The following COL6A5 variants were observed in gnomAD, a reference collection of about 807,000 sequenced individuals.
COL6A5 encodes the protein collagen type VI alpha 5 chain.
A neutral mutation model predicts 65.6 loss-of-function variants in COL6A5; 48 were observed. The observed-to-expected ratio is 0.73, with a 90% CI of 0.58 to 0.93. COL6A5 has a LOEUF of 0.93. COL6A5 is among the 40% of genes least tolerant of loss of function. The probability of loss-of-function intolerance (pLI) is 0.00; values close to 1 mark genes in which losing one functional copy is unlikely to be tolerated. For synonymous variants in COL6A5, 291 were observed against 322.8 expected, an observed-to-expected ratio of 0.90 and a Z score of 1.05; for missense variants, 914 against 928.3, an observed-to-expected ratio of 0.98 and a Z score of 0.20.
At chr3:130,459,828 G>A (rs9875954) in intron 5 of COL6A5, among the ~76,000 whole-genome samples, 1 of 151,730 alleles carries the variant, frequency 6.6e-6, no homozygotes, top group East Asian at 1.9e-4. Flanking sequence ...TTTTAATGCA[G>A]AGTATGTTCT....
At chr3:130,374,042 A>G (rs1439258380) in intron 2 of COL6A5, among the ~76,000 whole-genome samples, 1 of 152,200 alleles carries the variant, frequency 6.6e-6, no homozygotes, top group African/African-American at 2.4e-5. Flanking sequence ...CCCGACACAG[A>G]AAACAAATTC....
chr3:130,440,159 T>A lies in COL6A5; in HGVS notation c.582-7T>A, dbSNP rs1396442167. 1.9e-6 allele frequency: 3 copies of A among 1,604,194 alleles called. No individual in the cohort carries two copies. The African/African-American group carries it at 4.0e-5, about 21-fold the overall frequency. ...AACCAATGATGTGTCTCTCTGTGTG[T>A]TTTCAGATAAATGTTTTCCAAATGC... On this transcript the variant is annotated splice_polypyrimidine_tract_variant and splice_region_variant and intron_variant, in intron 2 of 7. Coordinates refer to ENST00000512836, the Ensembl canonical transcript of COL6A5.
intron 5 of COL6A5, among the ~76,000 whole-genome samples, chr3:130,466,939 A>G (rs1223136992): frequency 6.6e-6 from 1 of 151,988 alleles, no homozygotes; most frequent in Non-Finnish European, 1.5e-5. Flanking sequence ...TATTAATGAG[A>G]TTGAATTTGT....
intron 7 of COL6A5, chr3:130,477,374 T>C: frequency 3.8e-6 from 1 of 265,794 alleles, no homozygotes; most frequent in Non-Finnish European, 7.0e-6. Context: ...TGTTTTGTTT[T>C]CCTAAAGAGA....
chr3:130,439,218 T>C (rs1273624878), intron 1 of COL6A5, among the ~76,000 whole-genome samples: 1 of 151,358 alleles, frequency 6.6e-6, no homozygotes, highest in East Asian at 2.0e-4. Flanking sequence ...TAGATTTTAA[T>C]ACTTGCCCCA....
chr3:130,421,144 T>C lies in COL6A5; in HGVS notation c.4951-9T>C, dbSNP rs1012725518. 1.3e-6 allele frequency: 2 copies of C among 1,550,194 alleles called. No individual in the cohort carries two copies. The highest frequency in any genetic ancestry group is 1.7e-6 in the Non-Finnish European group (2 of 1,146,018). On this transcript the variant is annotated splice_polypyrimidine_tract_variant and intron_variant and NMD_transcript_variant, in intron 25 of 41. Coordinates refer to the COL6A5 transcript ENST00000312481. ...TGAGAAATTGAAAAAAACTGGTGTG[T>C]TTACACAGGGAGATTCTGGCATCCC... is the stretch of plus-strand genomic sequence containing the variant.
intron 1 of COL6A5, among the ~76,000 whole-genome samples, chr3:130,434,941 T>G (rs1937978522): frequency 6.6e-6 from 1 of 152,248 alleles, no homozygotes; most frequent in African/African-American, 2.4e-5. Flanking sequence ...CTGTTTAGTT[T>G]AATTAGATTC....
intron 5 of COL6A5, among the ~76,000 whole-genome samples, chr3:130,386,635 G>A (rs1331965430): frequency 2.0e-5 from 3 of 151,926 alleles, no homozygotes; most frequent in Admixed American, 6.6e-5. Context: ...TCCTGGAGTC[G>A]ATGCTAAGAA....
intron 29 of COL6A5, among the ~76,000 whole-genome samples, chr3:130,424,665 A>C (rs1369809578): frequency 6.6e-6 from 1 of 152,148 alleles, no homozygotes. Flanking sequence ...GAAAGCAAAA[A>C]ACGTGAATGG....
rs79627529 is a variant in COL6A5 at position 130,457,889 on chromosome 3, T to C, written c.1544+2223T>C. On this transcript the variant is annotated intron_variant, in intron 5 of 7. Coordinates refer to ENST00000512836, the Ensembl canonical transcript of COL6A5. ...ATAAGTTCCAGATGTATGGCATAAA[T>C]AAAAGGTTGATAAGTTTCATAAGCA... 8.5e-3 allele frequency among the ~76,000 whole-genome samples: 1,294 copies of C among 152,232 alleles called. 7 individuals carry two copies. Among genetic ancestry groups the C allele is most frequent in the Non-Finnish European group, 0.014 (937 of 68,002 alleles).
intron 5 of COL6A5, among the ~76,000 whole-genome samples, chr3:130,457,677 A>G (rs1269201856): frequency 6.6e-6 from 1 of 152,134 alleles, no homozygotes; most frequent in Admixed American, 6.5e-5. Flanking sequence ...TGTATTTTTT[A>G]ATCCTTTAAA....
At chr3:130,415,158 G>A (rs911623774) in intron 22 of COL6A5, among the ~76,000 whole-genome samples, 3 of 152,106 alleles carry the variant, frequency 2.0e-5, no homozygotes, top group Non-Finnish European at 2.9e-5. Context: ...TTCTGTGTGA[G>A]ATAACCGCAT....
At chr3:130,379,935 G>A (rs1052153893) in exon 4 of COL6A5, 75 of 1,551,212 alleles carry the variant, frequency 4.8e-5, no homozygotes, top group Non-Finnish European at 5.7e-5. Context: ...CAATTTCCAC[G>A]CTGAAGTCCT....
chr3:130,353,740 A>C (rs1022181177), intron 1 of COL6A5, among the ~76,000 whole-genome samples: 1 of 152,078 alleles, frequency 6.6e-6, no homozygotes, highest in Non-Finnish European at 1.5e-5. Context: ...AAAGAACAAA[A>C]GGAACTGAAA....
intron 13 of COL6A5, 109 bp downstream of exon 13, chr3:130,403,771 CA>C (rs1936895066): frequency 2.4e-5 from 18 of 735,832 alleles, no homozygotes; most frequent in Non-Finnish European, 3.6e-5. Context: ...AGCTTATTTT[CA>C]TACAAAAGGG....
chr3:130,435,151 T>C (rs911953434), intron 1 of COL6A5, among the ~76,000 whole-genome samples: 1 of 152,340 alleles, frequency 6.6e-6, no homozygotes, highest in East Asian at 1.9e-4. Flanking sequence ...TTCAGTTTTC[T>C]GCATATGGCG....
intron 2 of COL6A5, among the ~76,000 whole-genome samples, chr3:130,375,034 A>G (rs1470355538): frequency 1.3e-5 from 2 of 152,184 alleles, no homozygotes; most frequent in Non-Finnish European, 2.9e-5. Context: ...TGAAAGAGCC[A>G]GTTGTTAGAC....
chr3:130,446,475 G>A (rs2107708464), intron 4 of COL6A5, among the ~76,000 whole-genome samples: 1 of 152,244 alleles, frequency 6.6e-6, no homozygotes, highest in Non-Finnish European at 1.5e-5. Flanking sequence ...CAGGCTAATA[G>A]AAATGGTGAG....
intron 2 of COL6A5, 119 bp from the exon 35 acceptor site, chr3:130,440,047 A>G: frequency 1.2e-6 from 1 of 806,170 alleles, no homozygotes; most frequent in Non-Finnish European, 1.9e-6. Flanking sequence ...GTGAGATCAA[A>G]GAGATATTGA....
Sources: gnomAD v4.1 joint callset for allele counts (sites outside exome capture counted in the v4.1 genomes callset) on GRCh38, gnomAD v4.1.1 for gene constraint, MANE v1.5 for transcripts, NCBI Gene and HGNC (gene_info 2026-07-23, HGNC 2026-07-21) for gene names.